The following CEP128 variants were observed in gnomAD, a reference collection of about 807,000 sequenced individuals.
CEP128 encodes centrosomal protein 128kDa.
Under a neutral mutation model 156.7 loss-of-function variants are expected in CEP128, and 132 were observed. The observed-to-expected ratio is 0.84, with a 90% CI of 0.73 to 0.97. The LOEUF (loss-of-function observed/expected upper bound fraction) is 0.97. Among genes scored for constraint, CEP128 ranks in the 50% least tolerant of loss-of-function variants. CEP128 has a pLI of 0.00. For synonymous variants in CEP128, 469 were observed against 448.9 expected (o/e 1.04, Z -0.57); for missense variants, 1,252 against 1,281.9 (o/e 0.98, Z 0.36).
chr14:80,758,815 T>C (rs943927596), intron 17 of CEP128, among the ~76,000 whole-genome samples: 2 of 152,210 alleles, frequency 1.3e-5, no homozygotes, highest in East Asian at 1.9e-4. Context: ...GCACCTTCTA[T>C]ATCTTACCTC....
At chr14:80,685,595 A>G (rs1896493475) in intron 19 of CEP128, among the ~76,000 whole-genome samples, 1 of 152,032 alleles carries the variant, frequency 6.6e-6, no homozygotes, top group Non-Finnish European at 1.5e-5. Context: ...TAAAAAAATT[A>G]AATATAAAAA....
At chr14:80,599,341 C>T (rs1481937201) in intron 19 of CEP128, among the ~76,000 whole-genome samples, 2 of 143,380 alleles carry the variant, frequency 1.4e-5, no homozygotes, top group African/African-American at 2.6e-5. Context: ...GGCTTGATCT[C>T]GGCTCACCGC....
intron 14 of CEP128, 96 bp downstream of exon 14, chr14:80,792,664 A>C: frequency 1.1e-6 from 1 of 888,226 alleles, no homozygotes; most frequent in Non-Finnish European, 1.8e-6. Flanking sequence ...TATTGATTAT[A>C]TGTACAGTAT....
At chr14:80,805,743 G>T (rs940077835) in intron 13 of CEP128, among the ~76,000 whole-genome samples, 1 of 152,122 alleles carries the variant, frequency 6.6e-6, no homozygotes, top group Non-Finnish European at 1.5e-5. Context: ...ATTTTCCACA[G>T]TCAGAACTAA....
At chr14:80,774,175 C>T (rs1372867313) in intron 16 of CEP128, among the ~76,000 whole-genome samples, 2 of 152,088 alleles carry the variant, frequency 1.3e-5, no homozygotes, top group Non-Finnish European at 2.9e-5. Flanking sequence ...ACCACTGATG[C>T]TAATGGTTTA....
chr14:80,581,605 T>C (rs529391061), intron 19 of CEP128, among the ~76,000 whole-genome samples: 1 of 152,200 alleles, frequency 6.6e-6, no homozygotes, highest in South Asian at 2.1e-4. Context: ...CATGCTGGGA[T>C]TAAGGATAAG....
At chr14:80,495,651 T>A (rs966424491), downstream of CEP128, among the ~76,000 whole-genome samples, 7 of 152,146 alleles carry the variant, frequency 4.6e-5, no homozygotes, top group African/African-American at 1.7e-4. Context: ...CATTTTCAGG[T>A]CTAATTGGTT....
At chr14:80,547,570 T>C (rs1257341905) in intron 21 of CEP128, among the ~76,000 whole-genome samples, 1 of 152,202 alleles carries the variant, frequency 6.6e-6, no homozygotes, top group Non-Finnish European at 1.5e-5. Flanking sequence ...CATCAAGTTC[T>C]AACATTATCT....
intron 19 of CEP128, among the ~76,000 whole-genome samples, chr14:80,633,849 T>C (rs1894068601): frequency 6.6e-6 from 1 of 152,202 alleles, no homozygotes; most frequent in Non-Finnish European, 1.5e-5. Context: ...CCATTCTTGG[T>C]ATTAAAAAAA....
At chr14:80,645,680 C>T (rs1222261354) in intron 19 of CEP128, among the ~76,000 whole-genome samples, 1 of 152,130 alleles carries the variant, frequency 6.6e-6, no homozygotes, top group Non-Finnish European at 1.5e-5. Flanking sequence ...CAAAATTAAA[C>T]ATATTTTTAC....
At chr14:80,580,466 A>AACGAGTT (rs71456210) in intron 19 of CEP128, 43 bp from the exon 20 acceptor site, 314,681 of 1,179,866 alleles carry the variant, frequency 0.27, 49,843 homozygotes, top group East Asian at 0.48. Context: ...ACAATGTAAA[A>AACGAGTT]ACGAGTTGCC....
chr14:80,604,988 A>G (rs1892721942), intron 19 of CEP128, among the ~76,000 whole-genome samples: 1 of 152,112 alleles, frequency 6.6e-6, no homozygotes, highest in South Asian at 2.1e-4. Context: ...ACAAGTTTCT[A>G]CCAAGCCCAT....
intron 12 of CEP128, among the ~76,000 whole-genome samples, chr14:80,833,131 T>C: frequency 6.6e-6 from 1 of 152,100 alleles, no homozygotes; most frequent in Admixed American, 6.6e-5. Context: ...TTTATCTATT[T>C]GTAAATGTAT....
At chr14:80,787,016 G>GT (rs1321914009) in intron 14 of CEP128, among the ~76,000 whole-genome samples, 2 of 152,190 alleles carry the variant, frequency 1.3e-5, no homozygotes, top group African/African-American at 4.8e-5. Context: ...CCGAAAGAAT[G>GT]TAAGGTAGGA....
intron 2 of CEP128, among the ~76,000 whole-genome samples, chr14:80,926,967 C>T (rs1269171067): frequency 6.6e-6 from 1 of 152,204 alleles, no homozygotes; most frequent in Non-Finnish European, 1.5e-5. Flanking sequence ...TCACTCTCCT[C>T]TCACCCCCAT....
At chr14:80,746,537 T>C (rs1190741515) in intron 18 of CEP128, among the ~76,000 whole-genome samples, 1 of 152,102 alleles carries the variant, frequency 6.6e-6, no homozygotes, top group Non-Finnish European at 1.5e-5. Context: ...AATATACAAA[T>C]ACAAAAGAAT....
intron 23 of CEP128, among the ~76,000 whole-genome samples, chr14:80,511,391 C>CTAATTT (rs1888248726): frequency 1.3e-5 from 2 of 151,894 alleles, no homozygotes; most frequent in Non-Finnish European, 2.9e-5. Flanking sequence ...TATTTATTGG[C>CTAATTT]ATATAATTAC....
chr14:80,531,609 T>G (rs1477637197), intron 21 of CEP128, among the ~76,000 whole-genome samples: 1 of 152,220 alleles, frequency 6.6e-6, no homozygotes, highest in African/African-American at 2.4e-5. Flanking sequence ...GGCATCTCTG[T>G]ATCCTCAGCT....
intron 9 of CEP128, among the ~76,000 whole-genome samples, chr14:80,855,639 T>G (rs776681259): frequency 6.6e-6 from 1 of 151,356 alleles, no homozygotes; most frequent in Non-Finnish European, 1.5e-5. Context: ...GTTTTACAAC[T>G]GAACCTTGAA....
Sources: gnomAD v4.1 joint callset for allele counts (sites outside exome capture counted in the v4.1 genomes callset) on GRCh38, gnomAD v4.1.1 for gene constraint, MANE v1.5 for transcripts, NCBI Gene and HGNC (gene_info 2026-07-23, HGNC 2026-07-21) for gene names.